Variants in DDX59 observed in about 807,000 individuals in gnomAD.
DDX59 encodes the protein probable ATP-dependent RNA helicase DDX59.
Under a neutral mutation model 51.9 loss-of-function variants are expected in DDX59, and 30 were observed. The observed-to-expected ratio is 0.58, with a 90% CI of 0.43 to 0.78. The LOEUF (loss-of-function observed/expected upper bound fraction) is 0.78, where lower values mean the gene tolerates loss of function less well. Among genes scored for constraint, DDX59 ranks in the 30% least tolerant of loss-of-function variants. The probability of loss-of-function intolerance (pLI) is 0.00; values close to 1 mark genes in which losing one functional copy is unlikely to be tolerated. For missense variants in DDX59, 672 were observed against 730.8 expected (o/e 0.92, Z 0.93); for synonymous variants, 255 against 253.3 (o/e 1.01, Z -0.06).
At position 200,644,114 on chromosome 1, in the gene DDX59, AATACAAT is replaced by A; in HGVS notation, c.*133_*139del. On this transcript the variant is annotated 3_prime_UTR_variant, in exon 8 of 8. Transcript: ENST00000331314. ...TAATTTATAAGAATTAAGGGAAATA[AATACAAT>A]ATAGTTATATAAATTTTATTAAATT... is the stretch of plus-strand genomic sequence containing the variant. The A allele has an allele frequency of 6.0e-6, 4 of 669,670 alleles. No individual in the cohort carries two copies. Among genetic ancestry groups the A allele is most frequent in the Non-Finnish European group, 7.8e-6 (4 of 511,302 alleles). 41.5% of individuals were successfully genotyped at this position (669,670 alleles called of 1,614,324 possible). A position where few individuals can be genotyped will look rare whatever the true frequency, so the allele number is the denominator to read the frequency against.
chr1:200,667,202 A>T (rs1437142847), intron 1 of DDX59, among the ~76,000 whole-genome samples: 1 of 152,062 alleles, frequency 6.6e-6, no homozygotes, highest in East Asian at 1.9e-4. Context: ...CAGGAGTTTG[A>T]GACCAGCCTG....
chr1:200,654,441 C>G (rs1461527021), intron 4 of DDX59: 1 of 152,026 alleles, frequency 6.6e-6, no homozygotes, highest in Admixed American at 6.6e-5. Flanking sequence ...AAAGGATCAC[C>G]TGGAATGAGT....
At chr1:200,655,861 A>C in intron 4 of DDX59, among the ~76,000 whole-genome samples, 1 of 147,814 alleles carries the variant, frequency 6.8e-6, no homozygotes. Context: ...ACGGAGTTTC[A>C]CTCTTGTTGC....
chr1:200,643,822 T>C (rs1299407002), downstream of DDX59, among the ~76,000 whole-genome samples: 1 of 152,162 alleles, frequency 6.6e-6, no homozygotes, highest in Non-Finnish European at 1.5e-5. Context: ...TATTTATCTT[T>C]CAAAAGTGGT....
At chr1:200,656,419 C>A (rs1662026103) in intron 4 of DDX59, among the ~76,000 whole-genome samples, 2 of 152,172 alleles carry the variant, frequency 1.3e-5, no homozygotes, top group Non-Finnish European at 1.5e-5. Flanking sequence ...TCTTTTCTCT[C>A]TAACAAGATT....
intron 4 of DDX59, among the ~76,000 whole-genome samples, chr1:200,651,185 G>C (rs966382081): frequency 4.0e-5 from 6 of 151,804 alleles, no homozygotes; most frequent in African/African-American, 1.5e-4. Flanking sequence ...TCTACTTTTA[G>C]TTTTTTGCAA....
At chr1:200,657,249 C>CAAA (rs147751957) in intron 4 of DDX59, among the ~76,000 whole-genome samples, 8 of 77,640 alleles carry the variant, frequency 1.0e-4, no homozygotes, top group East Asian at 3.6e-4. Context: ...AAACTGTCTA[C>CAAA]AAAAAAAAAA....
chr1:200,652,667 ATTT>A (rs10590500), intron 4 of DDX59, among the ~76,000 whole-genome samples: 4,552 of 117,150 alleles, frequency 0.039, 70 homozygotes, highest in Middle Eastern at 0.073. Flanking sequence ...CATAAAAAGC[ATTT>A]TTTTTTTTTT....
In DDX59 at chr1:200,667,665, T is replaced by C. The variant is rs151297087; in HGVS notation, c.-11-914A>G. Among the ~76,000 whole-genome samples, 45 of 152,300 alleles carry C rather than the reference T, an allele frequency of 3.0e-4. 1 individual carries two copies. The highest frequency in any genetic ancestry group is 1.9e-3 in the Admixed American group (29 of 15,300). Reference sequence around the variant, plus strand: ...TCAAAAAAGAAAACAGGAGAAATACTTCACAATTAGAATCTTTAAAATCAA... The same window carrying C: ...TCAAAAAAGAAAACAGGAGAAATACCTCACAATTAGAATCTTTAAAATCAA... On this transcript the variant is annotated intron_variant, in intron 1 of 7. Coordinates refer to ENST00000331314, the MANE Select transcript of DDX59 (RefSeq NM_001031725.6).
At chr1:200,657,205 C>T (rs1353902253) in intron 4 of DDX59, among the ~76,000 whole-genome samples, 1 of 132,180 alleles carries the variant, frequency 7.6e-6, no homozygotes, top group African/African-American at 2.9e-5. Context: ...GAGCCAAGAT[C>T]GTGCCATTGT....
At chr1:200,668,967 G>A (rs1212420420) in intron 1 of DDX59, among the ~76,000 whole-genome samples, 2 of 152,156 alleles carry the variant, frequency 1.3e-5, no homozygotes, top group Admixed American at 1.3e-4. Context: ...TGTATTTGAT[G>A]TCTCACGCCT....
rs200630479 is a variant in DDX59, at chr1:200,644,224, TAAAAA to T, written c.*25_*29del. The T allele has an allele frequency of 7.0e-7, 1 of 1,429,696 alleles. No homozygotes were observed. Among genetic ancestry groups the T allele is most frequent in the Non-Finnish European group, 9.3e-7 (1 of 1,076,908 alleles). 88.6% of individuals were successfully genotyped at this position (1,429,696 alleles called of 1,614,324 possible). On this transcript the variant is annotated 3_prime_UTR_variant, in exon 8 of 8. Coordinates refer to ENST00000331314, the MANE Select transcript of DDX59 (RefSeq NM_001031725.6). ...ATAATTTTTTGCTGACTATATACAA[TAAAAA>T]AAAATATTCAAGTGGCAGAGAAAAT... is the stretch of plus-strand genomic sequence containing the variant.
chr1:200,647,841 G>A (rs1403190115), intron 7 of DDX59, among the ~76,000 whole-genome samples: 1 of 151,558 alleles, frequency 6.6e-6, no homozygotes, highest in Non-Finnish European at 1.5e-5. Flanking sequence ...AGGTGTGGTG[G>A]TGGGCACCTG....
chr1:200,658,973 C>T (rs1320088233), intron 4 of DDX59, 54 bp downstream of exon 4: 2 of 1,396,408 alleles, frequency 1.4e-6, no homozygotes, highest in African/African-American at 1.4e-5. Context: ...TATAACTATA[C>T]TTTCCATAAA....
In DDX59 at chr1:200,649,102, G is replaced by A. The variant is rs201058329; in HGVS notation, c.1439C>T (p.Ser480Leu). 20 of 1,566,248 alleles carry A rather than the reference G, an allele frequency of 1.3e-5. No homozygotes were observed. Among genetic ancestry groups the A allele is most frequent in the Non-Finnish European group, 1.5e-5 (17 of 1,164,436 alleles). Residue 480 changes from serine to leucine, a missense_variant, in exon 6 of 8, where the codon TCG (serine) becomes TTG (leucine). Physicochemically the swap from Ser to Leu is moderately radical, Grantham distance 145. Coordinates refer to ENST00000331314, the MANE Select transcript of DDX59 (RefSeq NM_001031725.6). The stretch of plus-strand genomic sequence containing the variant: ...CAATATGTTTTTCCTTTCTATTTGC[G>A]ACTTCTCTGAATGTATAGATATGCT... The part of the protein sequence containing the change: ...LKSISIHSEK[S>L]QIERKNILKG...
At chr1:200,640,934 T>C (rs1661031214), downstream of DDX59, 2 of 209,030 alleles carry the variant, frequency 9.6e-6, no homozygotes, top group South Asian at 8.3e-5. Flanking sequence ...TTATAAAATA[T>C]AAAATAGGTT....
Position 200,666,161 on chromosome 1 carries a change from G to C in DDX59, c.580C>G (p.Gln194Glu). ...ATGGGCCTGGTGACTTCTTGCCCTT[G>C]AACTAAAATTCCCAGCTGCTGTTTA... ...NLKQQLGILVQGQEVTRPIID... is the reference protein window; with the variant it reads ...NLKQQLGILVEGQEVTRPIID... The change falls in exon 2 of 8, where the codon CAA becomes GAA. Residue 194 changes from glutamine to glutamate, a missense_variant. Gln to Glu is a conservative substitution (Grantham distance 29). Transcript: ENST00000331314. 2 of 1,614,140 alleles carry C rather than the reference G, an allele frequency of 1.2e-6. No homozygotes were observed. The highest frequency in any genetic ancestry group is 1.7e-6 in the Non-Finnish European group (2 of 1,180,034).
chr1:200,668,564 A>G (rs1290286948), intron 1 of DDX59, among the ~76,000 whole-genome samples: 1 of 152,154 alleles, frequency 6.6e-6, no homozygotes, highest in Non-Finnish European at 1.5e-5. Context: ...CTGGCCTAAC[A>G]AGGAAGAAAA....
chr1:200,651,359 G>A (rs892972209), intron 4 of DDX59, among the ~76,000 whole-genome samples: 8 of 152,172 alleles, frequency 5.3e-5, no homozygotes, highest in African/African-American at 1.9e-4. Context: ...AAGAGGGGAA[G>A]CCTTTAGGGG....
Sources: gnomAD v4.1 joint callset for allele counts (sites outside exome capture counted in the v4.1 genomes callset) on GRCh38, gnomAD v4.1.1 for gene constraint, MANE v1.5 for transcripts, NCBI Gene and HGNC (gene_info 2026-07-23, HGNC 2026-07-21) for gene names.